Variants in RAD54B observed in about 807,000 individuals in gnomAD.
The protein encoded by RAD54B is DNA repair and recombination protein RAD54B.
RAD54B carries 78 observed loss-of-function variants against 95.8 expected under a neutral mutation model. The observed-to-expected ratio is 0.81, with a 90% CI of 0.68 to 0.98. RAD54B has a LOEUF of 0.98. RAD54B is among the 50% of genes least tolerant of loss of function. RAD54B has a pLI of 0.00. For synonymous variants in RAD54B, 328 were observed against 354.9 expected, an observed-to-expected ratio of 0.92 and a Z score of 0.85; for missense variants, 957 against 1,056.6, an observed-to-expected ratio of 0.91 and a Z score of 1.31.
intron 3 of RAD54B, among the ~76,000 whole-genome samples, chr8:94,441,181 A>T (rs916570248): frequency 2.0e-5 from 3 of 152,154 alleles, no homozygotes; most frequent in African/African-American, 7.2e-5. Flanking sequence ...GTGAGCCCTT[A>T]AAAGGAACAG....
At chr8:94,474,364 C>T (rs957077819) in intron 1 of RAD54B, among the ~76,000 whole-genome samples, 1 of 152,230 alleles carries the variant, frequency 6.6e-6, no homozygotes, top group Admixed American at 6.5e-5. Flanking sequence ...CTAAAATAAA[C>T]AGCTGAAAAT....
chr8:94,379,085 G>A (rs2129951720), intron 12 of RAD54B, among the ~76,000 whole-genome samples: 1 of 152,276 alleles, frequency 6.6e-6, no homozygotes, highest in South Asian at 2.1e-4. Flanking sequence ...TTAAAGTGTT[G>A]ATGTTCAAAC....
chr8:94,457,411 T>C (rs1354323718), intron 3 of RAD54B, among the ~76,000 whole-genome samples: 1 of 152,316 alleles, frequency 6.6e-6, no homozygotes, highest in East Asian at 1.9e-4. Context: ...GAGGAGCACA[T>C]AAATGGCACC....
At chr8:94,396,901 A>G (rs1325603566) in intron 8 of RAD54B, among the ~76,000 whole-genome samples, 1 of 152,140 alleles carries the variant, frequency 6.6e-6, no homozygotes, top group Non-Finnish European at 1.5e-5. Context: ...ACATTTGCAG[A>G]GAGGATAGAG....
At chr8:94,426,265 T>TAA (rs551332612) in intron 3 of RAD54B, among the ~76,000 whole-genome samples, 40 of 133,940 alleles carry the variant, frequency 3.0e-4, no homozygotes, top group Middle Eastern at 3.8e-3. Context: ...TTGCAAAAAT[T>TAA]AAAAAAAAAA....
intron 11 of RAD54B, among the ~76,000 whole-genome samples, chr8:94,381,326 C>CTAGCT (rs1810733864): frequency 1.3e-5 from 2 of 152,146 alleles, no homozygotes; most frequent in Non-Finnish European, 2.9e-5. Context: ...AATTTAAAAG[C>CTAGCT]TAGCTTGCTG....
intron 3 of RAD54B, among the ~76,000 whole-genome samples, chr8:94,449,609 CAAAA>C (rs369471365): frequency 1.5e-5 from 1 of 66,620 alleles, no homozygotes; most frequent in Non-Finnish European, 3.0e-5. Flanking sequence ...ACTCTGTCTC[CAAAA>C]AAAAAAAAAA....
intron 3 of RAD54B, among the ~76,000 whole-genome samples, chr8:94,445,545 T>G (rs572057491): frequency 9.2e-5 from 14 of 152,298 alleles, no homozygotes; most frequent in African/African-American, 3.4e-4. Context: ...ACCACTTTAA[T>G]TGTCTTGATT....
Position 94,391,844 on chromosome 8 carries a change from A to T in RAD54B, c.1574T>A (p.Leu525His). 1 of 1,613,646 alleles carries T rather than the reference A, an allele frequency of 6.2e-7. No individual in the cohort carries two copies. The highest frequency in any genetic ancestry group is 8.5e-7 in the Non-Finnish European group (1 of 1,179,910). Residue 525 changes from leucine (L) to histidine (H), a missense_variant, in exon 10 of 15, where the codon CTC (leucine) becomes CAC (histidine). Coordinates refer to ENST00000336148, the MANE Select transcript of RAD54B (RefSeq NM_012415.3). ...RAAELTCLTG[L>H]FILRRTQEII... ...TTCTTGGGTTCTTCTAAGGATAAAGAGTCCAGTGAGGCAAGTAAGTTCAGC... is the reference window on the plus strand; with the variant it reads ...TTCTTGGGTTCTTCTAAGGATAAAGTGTCCAGTGAGGCAAGTAAGTTCAGC...
intron 3 of RAD54B, among the ~76,000 whole-genome samples, chr8:94,416,358 GA>G: frequency 6.6e-6 from 1 of 152,108 alleles, no homozygotes; most frequent in Admixed American, 6.5e-5. Context: ...ACACTCTGGG[GA>G]ATGTTGTGTG....
At chr8:94,402,689 G>T (rs1811292430) in intron 6 of RAD54B, among the ~76,000 whole-genome samples, 1 of 152,178 alleles carries the variant, frequency 6.6e-6, no homozygotes. Context: ...TCTAAGTTCT[G>T]AGAGTCTCTG....
intron 3 of RAD54B, among the ~76,000 whole-genome samples, chr8:94,419,350 A>G (rs1459285289): frequency 6.6e-6 from 1 of 152,140 alleles, no homozygotes; most frequent in Non-Finnish European, 1.5e-5. Context: ...TCTACTAAAA[A>G]TGCAAACATT....
chr8:94,459,064 G>A (rs1812841287), intron 2 of RAD54B, among the ~76,000 whole-genome samples: 1 of 151,894 alleles, frequency 6.6e-6, no homozygotes, highest in Non-Finnish European at 1.5e-5. Flanking sequence ...TCTTTTTCTT[G>A]TTAAATTTCT....
At chr8:94,380,567 TA>T (rs1160154429) in intron 11 of RAD54B, among the ~76,000 whole-genome samples, 161 bp from the exon 12 acceptor site, 1 of 152,242 alleles carries the variant, frequency 6.6e-6, no homozygotes, top group African/African-American at 2.4e-5. Flanking sequence ...TATTCCATTT[TA>T]AAGTCAATAT....
intron 3 of RAD54B, among the ~76,000 whole-genome samples, chr8:94,456,300 C>T (rs541506829): frequency 6.6e-6 from 1 of 152,250 alleles, no homozygotes; most frequent in African/African-American, 2.4e-5. Context: ...CTTATCAGGG[C>T]TCTTTCAGTT....
chr8:94,428,264 T>C lies in RAD54B; in HGVS notation c.305-16949A>G, dbSNP rs938167190. On this transcript the variant is annotated intron_variant, in intron 3 of 14. Coordinates refer to ENST00000336148, the MANE Select transcript of RAD54B (RefSeq NM_012415.3). ...TTTAAAAAACAAAATCACTCTTCTC[T>C]ATGTTCTCCCAGCATTACATTTTGT... 6.2e-6 allele frequency: 6 copies of C among 961,896 alleles called. No homozygotes were observed. In the South Asian group the frequency reaches 2.9e-4, roughly 46 times the overall value. The allele number at this position is 961,896 out of a possible 1,614,324, so 59.6% of individuals were successfully genotyped here. A position where few individuals can be genotyped will look rare whatever the true frequency, so the allele number is the denominator to read the frequency against.
chr8:94,424,241 T>C (rs1182789329), intron 3 of RAD54B, among the ~76,000 whole-genome samples: 1 of 152,244 alleles, frequency 6.6e-6, no homozygotes, highest in Non-Finnish European at 1.5e-5. Flanking sequence ...GTCTTAAGTC[T>C]GCCTCTTACT....
chr8:94,469,047 C>T (rs1454136131), intron 1 of RAD54B, among the ~76,000 whole-genome samples: 1 of 148,764 alleles, frequency 6.7e-6, no homozygotes, highest in Admixed American at 6.7e-5. Context: ...AATCCCAGCA[C>T]TTTGGGAGGC....
At chr8:94,449,191 C>T (rs966100621) in intron 3 of RAD54B, among the ~76,000 whole-genome samples, 1 of 151,192 alleles carries the variant, frequency 6.6e-6, no homozygotes, top group Non-Finnish European at 1.5e-5. Flanking sequence ...CCTTCCCCCC[C>T]GCCCCCCACC....
Sources: gnomAD v4.1 joint callset for allele counts (sites outside exome capture counted in the v4.1 genomes callset) on GRCh38, gnomAD v4.1.1 for gene constraint, MANE v1.5 for transcripts, NCBI Gene and HGNC (gene_info 2026-07-23, HGNC 2026-07-21) for gene names.